MTMR7: variants seen among roughly 807,000 people sequenced by gnomAD.
The protein encoded by MTMR7 is myotubularin related protein 7, also known as phosphatidylinositol-3-phosphate phosphatase MTMR7.
A neutral mutation model predicts 81.2 loss-of-function variants in MTMR7; 76 were observed. The ratio of observed to expected loss-of-function variants is 0.94; its 90% CI spans 0.78 to 1.13. MTMR7 has a LOEUF of 1.13. Ranked by LOEUF, MTMR7 falls within the 50% of genes most tolerant of loss-of-function variation. MTMR7 has a pLI of 0.00. For missense variants in MTMR7, 1,044 were observed against 820.0 expected, an observed-to-expected ratio of 1.27 and a Z score of -3.34; for synonymous variants, 372 against 289.8, an observed-to-expected ratio of 1.28 and a Z score of -2.88.
chr8:17,413,231 C>T (rs1247907944), intron 1 of MTMR7, 38 bp downstream of exon 1: 3 of 1,546,772 alleles, frequency 1.9e-6, no homozygotes, highest in South Asian at 1.2e-5. Context: ...TCCCCCATCT[C>T]CTCCCGTCCC....
intron 13 of MTMR7, 195 bp from the exon 14 acceptor site, chr8:17,300,419 G>T: frequency 1.7e-6 from 1 of 593,564 alleles, no homozygotes. Flanking sequence ...TCTAATGTAA[G>T]GATAATACCT....
intron 7 of MTMR7, among the ~76,000 whole-genome samples, chr8:17,314,865 G>C (rs996297724): frequency 6.6e-6 from 1 of 152,158 alleles, no homozygotes; most frequent in African/African-American, 2.4e-5. Context: ...ACCTTTCTAA[G>C]GTCACAGTGT....
chr8:17,342,890 G>C (rs1819444702), intron 5 of MTMR7, among the ~76,000 whole-genome samples: 1 of 152,022 alleles, frequency 6.6e-6, no homozygotes, highest in Non-Finnish European at 1.5e-5. Context: ...ACGGCAGACA[G>C]AATGGCAAGC....
intron 1 of MTMR7, among the ~76,000 whole-genome samples, chr8:17,390,621 C>G (rs1226741479): frequency 1.3e-5 from 2 of 151,750 alleles, no homozygotes; most frequent in African/African-American, 4.8e-5. Context: ...AAGATAGTAC[C>G]CAAGACTGGG....
intron 1 of MTMR7, among the ~76,000 whole-genome samples, chr8:17,389,657 C>T (rs1265536605): frequency 6.6e-6 from 1 of 152,134 alleles, no homozygotes; most frequent in Non-Finnish European, 1.5e-5. Flanking sequence ...GTATGATTAA[C>T]CCAGAATGCT....
At chr8:17,399,884 A>C (rs1057066110) in intron 1 of MTMR7, among the ~76,000 whole-genome samples, 3 of 151,948 alleles carry the variant, frequency 2.0e-5, no homozygotes, top group Non-Finnish European at 2.9e-5. Context: ...AAAAAAAAAA[A>C]ACCAAAAAAC....
chr8:17,341,328 G>A (rs778514934), intron 6 of MTMR7, 35 bp downstream of exon 6: 1 of 1,611,556 alleles, frequency 6.2e-7, no homozygotes. Flanking sequence ...TCACAACTCA[G>A]GTGCAAAGAC....
chr8:17,384,094 T>C lies in MTMR7; in HGVS notation c.25-10854A>G, dbSNP rs576965789. Reference sequence around the variant, plus strand: ...ATGTGTGAGAGAGGGGAAAAAAGCATACATCTCACTAGTTATTAAAAAATA... The same window carrying C: ...ATGTGTGAGAGAGGGGAAAAAAGCACACATCTCACTAGTTATTAAAAAATA... On this transcript the variant is annotated intron_variant, in intron 1 of 13. Coordinates refer to ENST00000180173, the MANE Select transcript of MTMR7 (RefSeq NM_004686.5). 3.3e-5 allele frequency among the ~76,000 whole-genome samples: 5 copies of C among 152,244 alleles called. No individual in the cohort carries two copies. In the South Asian group the frequency reaches 1.0e-3, roughly 32 times the overall value.
chr8:17,401,809 G>C (rs1821436973), intron 1 of MTMR7, among the ~76,000 whole-genome samples: 1 of 152,068 alleles, frequency 6.6e-6, no homozygotes, highest in South Asian at 2.1e-4. Flanking sequence ...TGAGACGAGA[G>C]GGAATCAGCT....
intron 1 of MTMR7, among the ~76,000 whole-genome samples, chr8:17,385,155 G>C (rs958941901): frequency 6.6e-6 from 1 of 152,066 alleles, no homozygotes; most frequent in Non-Finnish European, 1.5e-5. Flanking sequence ...AGTTGATATC[G>C]TTTGGATCTG....
chr8:17,308,096 G>A (rs1817578539), intron 10 of MTMR7, among the ~76,000 whole-genome samples: 1 of 151,694 alleles, frequency 6.6e-6, no homozygotes. Flanking sequence ...CATTATGGGA[G>A]ACTGATTTAT....
intron 1 of MTMR7, among the ~76,000 whole-genome samples, chr8:17,384,392 C>G (rs1820863899): frequency 6.6e-6 from 1 of 152,112 alleles, no homozygotes; most frequent in Admixed American, 6.5e-5. Flanking sequence ...GCCTGGATGA[C>G]AGAGTGAGAC....
intron 7 of MTMR7, among the ~76,000 whole-genome samples, chr8:17,330,867 A>G (rs189487594): frequency 2.0e-5 from 3 of 152,224 alleles, no homozygotes; most frequent in Non-Finnish European, 4.4e-5. Flanking sequence ...TCAAACTAAC[A>G]TTATGAGGAA....
At chr8:17,389,314 C>A (rs6587041) in intron 1 of MTMR7, among the ~76,000 whole-genome samples, 126,161 of 152,124 alleles carry the variant, frequency 0.83, 53,653 homozygotes, top group Non-Finnish European at 0.93. Flanking sequence ...ACCATTACCA[C>A]AATCATATTC....
Position 17,371,149 on chromosome 8 carries a change from G to A in MTMR7, c.198C>T (p.Thr66=), listed in dbSNP as rs150952836. ...STIEKQATTA[T]GCPLLIRCKN... The stretch of plus-strand genomic sequence containing the variant: ...TGCAGCGAATCAGCAGAGGGCATCC[G>A]GTAGCGGTTGTTGCCTGTTTCTCAA... Residue 66 remains threonine (T), a synonymous_variant, in exon 3 of 14, where the codon ACC becomes ACT. Transcript: ENST00000180173. 34 of 1,614,092 alleles carry A rather than the reference G, an allele frequency of 2.1e-5. No homozygotes were observed. Among genetic ancestry groups the A allele is most frequent in the Middle Eastern group, 1.6e-4 (1 of 6,084 alleles).
intron 6 of MTMR7, among the ~76,000 whole-genome samples, chr8:17,339,936 A>T (rs888872124): frequency 6.6e-6 from 1 of 152,226 alleles, no homozygotes; most frequent in Non-Finnish European, 1.5e-5. Flanking sequence ...ACAGTGTGGT[A>T]TACATTCTCT....
chr8:17,301,658 A>G (rs930159560), intron 13 of MTMR7: 1 of 154,688 alleles, frequency 6.5e-6, no homozygotes, highest in African/African-American at 2.4e-5. Flanking sequence ...AAGTTATCCA[A>G]TTAGGAAAAG....
intron 5 of MTMR7, among the ~76,000 whole-genome samples, chr8:17,342,473 T>G (rs965836963): frequency 6.6e-6 from 1 of 152,132 alleles, no homozygotes; most frequent in African/African-American, 2.4e-5. Context: ...GTGCTTGTAT[T>G]GCAGGGTTCC....
intron 6 of MTMR7, among the ~76,000 whole-genome samples, chr8:17,335,546 C>G (rs1219202561): frequency 6.6e-6 from 1 of 152,200 alleles, no homozygotes; most frequent in Admixed American, 6.5e-5. Context: ...AGTGCCTACG[C>G]TGACATGGTT....
Sources: gnomAD v4.1 joint callset for allele counts (sites outside exome capture counted in the v4.1 genomes callset) on GRCh38, gnomAD v4.1.1 for gene constraint, MANE v1.5 for transcripts, NCBI Gene and HGNC (gene_info 2026-07-23, HGNC 2026-07-21) for gene names.